GASK1B: variants seen among roughly 807,000 people sequenced by gnomAD.
The protein encoded by GASK1B is golgi associated kinase 1B.
A neutral mutation model predicts 42.8 loss-of-function variants in GASK1B; 34 were observed. The ratio of observed to expected loss-of-function variants is 0.79; its 90% CI spans 0.60 to 1.06. GASK1B has a LOEUF of 1.06. GASK1B is among the 50% of genes least tolerant of loss of function. The pLI is 0.00. For synonymous variants in GASK1B, 262 were observed against 259.1 expected (o/e 1.01, Z -0.11); for missense variants, 686 against 661.0 (o/e 1.04, Z -0.42).
intron 3 of GASK1B, among the ~76,000 whole-genome samples, chr4:158,153,892 C>T (rs560134846): frequency 2.6e-5 from 4 of 152,076 alleles, no homozygotes; most frequent in Non-Finnish European, 4.4e-5. Context: ...GAATCTGAAA[C>T]CATAAAAATT....
At position 158,127,168 on chromosome 4, in the gene GASK1B, T is replaced by C. The variant is rs570766562; in HGVS notation, c.*239A>G. 2.5e-4 allele frequency: 86 copies of C among 343,808 alleles called. No homozygotes were observed. Among genetic ancestry groups the C allele is most frequent in the African/African-American group, 1.6e-3 (76 of 47,038 alleles). 21.3% of individuals were successfully genotyped at this position (343,808 alleles called of 1,614,324 possible). Reference sequence around the variant, plus strand: ...GTTGTCAGATGTTCAGACTGACACATAGCATGATGTTAGAGAAAAATATAA... The same window carrying C: ...GTTGTCAGATGTTCAGACTGACACACAGCATGATGTTAGAGAAAAATATAA... On this transcript the variant is annotated 3_prime_UTR_variant, in exon 5 of 5. Coordinates refer to ENST00000585682, the MANE Select transcript of GASK1B (RefSeq NM_001128424.2).
intron 3 of GASK1B, among the ~76,000 whole-genome samples, chr4:158,146,151 T>G (rs1731322918): frequency 6.6e-6 from 1 of 152,102 alleles, no homozygotes; most frequent in African/African-American, 2.4e-5. Flanking sequence ...AGTTGTTTTT[T>G]TTTTTCAATA....
intron 3 of GASK1B, among the ~76,000 whole-genome samples, chr4:158,134,189 T>A (rs933891089): frequency 6.6e-6 from 1 of 152,242 alleles, no homozygotes; most frequent in African/African-American, 2.4e-5. Context: ...TTAAATTCAG[T>A]GCCATTTTGT....
chr4:158,146,674 T>G (rs1056737309), intron 3 of GASK1B, among the ~76,000 whole-genome samples: 1 of 152,110 alleles, frequency 6.6e-6, no homozygotes, highest in African/African-American at 2.4e-5. Context: ...GACTGCAGAG[T>G]CCCAGTTCCT....
chr4:158,127,589 A>C lies in GASK1B; in HGVS notation c.1378T>G (p.Leu460Val). Residue 460 changes from leucine (L) to valine (V), a missense_variant, in exon 5 of 5, where the codon TTG becomes GTG. Leu to Val is a conservative substitution (Grantham distance 32). Coordinates refer to ENST00000585682, the MANE Select transcript of GASK1B (RefSeq NM_001128424.2). ...KEFPASAVSVLKSQHLRQKLL... is the reference protein window; with the variant it reads ...KEFPASAVSVVKSQHLRQKLL... The stretch of plus-strand genomic sequence containing the variant: ...TTCTGCCGTAAGTGCTGGCTCTTCA[A>C]AACAGAAACTGCAGAAGCTGGAAAC... 1 of 1,613,146 alleles carries C rather than the reference A, an allele frequency of 6.2e-7. No homozygotes were observed. Among genetic ancestry groups the C allele is most frequent in the Non-Finnish European group, 8.5e-7 (1 of 1,179,642 alleles).
chr4:158,127,391 C>T lies in GASK1B; in HGVS notation c.*16G>A, dbSNP rs780739145. The T allele has an allele frequency of 6.2e-7, 1 of 1,606,358 alleles. No homozygotes were observed. Among genetic ancestry groups the T allele is most frequent in the Non-Finnish European group, 8.5e-7 (1 of 1,174,838 alleles). ...TGCATAAATATATCTAACACCCTAG[C>T]CAGAAGATTCTTTTGTCATTCATTC... On this transcript the variant is annotated 3_prime_UTR_variant, in exon 5 of 5. Transcript: ENST00000585682.
chr4:158,171,617 C>T lies in GASK1B; in HGVS notation c.-224-18G>A. 2.5e-6 allele frequency: 1 copy of T among 406,866 alleles called. No individual in the cohort carries two copies. Among genetic ancestry groups the T allele is most frequent in the Admixed American group, 4.0e-5 (1 of 25,264 alleles). 25.2% of individuals were successfully genotyped at this position (406,866 alleles called of 1,614,324 possible). A position where few individuals can be genotyped will look rare whatever the true frequency, so the allele number is the denominator to read the frequency against. The stretch of plus-strand genomic sequence containing the variant: ...GCTTGTTTCTGGGAATGAATGGATA[C>T]AGAGTTAACTGAGTCACAATTTCAA... On this transcript the variant is annotated intron_variant, in intron 1 of 4. Transcript: ENST00000585682.
rs1315111611 is a variant in GASK1B, at chr4:158,125,536, T to A, written c.*1871A>T. 6.6e-6 allele frequency: 1 copy of A among 152,152 alleles called. No homozygotes were observed. Among genetic ancestry groups the A allele is most frequent in the African/African-American group, 2.4e-5 (1 of 41,448 alleles). 9.4% of individuals were successfully genotyped at this position (152,152 alleles called of 1,614,324 possible). On this transcript the variant is annotated 3_prime_UTR_variant, in exon 5 of 5. Transcript: ENST00000585682. ...CAAAGTAGGATTCCAGTCTCCAAAC[T>A]TTTGTTAGGCTAATTTTCATTAAGA...
intron 2 of GASK1B, among the ~76,000 whole-genome samples, chr4:158,162,529 T>G (rs1403100046): frequency 6.6e-6 from 1 of 152,184 alleles, no homozygotes; most frequent in Non-Finnish European, 1.5e-5. Context: ...GTAATTTCAC[T>G]GTCTTCACTC....
rs1578999862 is a variant in GASK1B at position 158,125,560 on chromosome 4, G to A, written c.*1847C>T. On this transcript the variant is annotated 3_prime_UTR_variant, in exon 5 of 5. Coordinates refer to ENST00000585682, the MANE Select transcript of GASK1B (RefSeq NM_001128424.2). Reference sequence around the variant, plus strand: ...CTTTTGTTAGGCTAATTTTCATTAAGAGGATGATTTATAAGAGAAGAAAAG... The same window carrying A: ...CTTTTGTTAGGCTAATTTTCATTAAAAGGATGATTTATAAGAGAAGAAAAG... 6.6e-6 allele frequency: 1 copy of A among 152,132 alleles called. No individual in the cohort carries two copies. Among genetic ancestry groups the A allele is most frequent in the Non-Finnish European group, 1.5e-5 (1 of 68,016 alleles). The allele number at this position is 152,132 out of a possible 1,614,324, so 9.4% of individuals were successfully genotyped here. A position where few individuals can be genotyped will look rare whatever the true frequency, so the allele number is the denominator to read the frequency against.
chr4:158,132,281 C>A (rs1560775909), intron 3 of GASK1B, among the ~76,000 whole-genome samples: 1 of 152,298 alleles, frequency 6.6e-6, no homozygotes, highest in African/African-American at 2.4e-5. Flanking sequence ...AAATTCCCAT[C>A]TTTTTCTCAT....
intron 3 of GASK1B, among the ~76,000 whole-genome samples, chr4:158,137,683 T>C (rs907426656): frequency 1.3e-5 from 2 of 152,146 alleles, no homozygotes; most frequent in Admixed American, 6.5e-5. Flanking sequence ...AGCCTCTTGC[T>C]TGGGGAGCTA....
Position 158,125,207 on chromosome 4 carries a change from A to C in GASK1B, c.*2200T>G, listed in dbSNP as rs1730404360. On this transcript the variant is annotated 3_prime_UTR_variant, in exon 5 of 5. Transcript: ENST00000585682. ...ACAAAACAAAATTGTTAAAAAGCAAAGGTGACTAAAATAAACATGTTCCTG... is the reference window on the plus strand; with the variant it reads ...ACAAAACAAAATTGTTAAAAAGCAACGGTGACTAAAATAAACATGTTCCTG... 6.6e-6 allele frequency: 1 copy of C among 152,216 alleles called. No homozygotes were observed. The highest frequency in any genetic ancestry group is 1.5e-5 in the Non-Finnish European group (1 of 68,036). 9.4% of individuals were successfully genotyped at this position (152,216 alleles called of 1,614,324 possible).
rs752710130 is a variant in GASK1B, at chr4:158,170,934, G to T, written c.442C>A (p.Pro148Thr). The change falls in exon 2 of 5, where the codon CCA becomes ACA. Residue 148 changes from proline (P) to threonine (T), a missense_variant. Transcript: ENST00000585682. The part of the protein sequence containing the change: ...AAPGQEALVG[P>T]SLQPQEAARE... ...GCCGCTTCCTGCGGCTGAAGGGATG[G>T]TCCGACCAAAGCCTCCTGCCCTGGG... The T allele has an allele frequency of 2.8e-5, 45 of 1,614,110 alleles. No individual in the cohort carries two copies. The highest frequency in any genetic ancestry group is 4.0e-5 in the African/African-American group (3 of 74,954).
rs1470689831 is a variant in GASK1B, at chr4:158,127,601, C to T, written c.1366G>A (p.Ala456Thr). The T allele has an allele frequency of 6.2e-7, 1 of 1,612,534 alleles. No individual in the cohort carries two copies. The highest frequency in any genetic ancestry group is 8.5e-7 in the Non-Finnish European group (1 of 1,179,490). ...LEGIKEFPAS[A>T]VSVLKSQHLR... The stretch of plus-strand genomic sequence containing the variant: ...TGCTGGCTCTTCAAAACAGAAACTG[C>T]AGAAGCTGGAAACCTGAAAAGATAA... The change falls in exon 5 of 5, where the codon GCA becomes ACA. Residue 456 changes from alanine to threonine, a missense_variant. Coordinates refer to ENST00000585682, the MANE Select transcript of GASK1B (RefSeq NM_001128424.2).
chr4:158,169,975 G>C (rs935432667), intron 2 of GASK1B: 1 of 463,992 alleles, frequency 2.2e-6, no homozygotes, highest in South Asian at 3.9e-5. Context: ...AAAAAGGGGG[G>C]GTTAAACCTA....
intron 3 of GASK1B, among the ~76,000 whole-genome samples, chr4:158,137,849 C>G (rs1730963059): frequency 6.6e-6 from 1 of 152,162 alleles, no homozygotes; most frequent in Admixed American, 6.5e-5. Flanking sequence ...GCATATTTGA[C>G]TTGAAGAGCA....
chr4:158,171,517 G>A lies in GASK1B; in HGVS notation c.-142C>T, dbSNP rs1269237927. On this transcript the variant is annotated 5_prime_UTR_variant, in exon 2 of 5. Transcript: ENST00000585682. ...CCAGTGGGCAGAGGTGGAAGGAAAG[G>A]GTTGGTGATGAAGCTGGGAATGTTT... 3 of 805,380 alleles carry A rather than the reference G, an allele frequency of 3.7e-6. No individual in the cohort carries two copies. The highest frequency in any genetic ancestry group is 6.5e-5 in the Admixed American group (2 of 30,544). The allele number at this position is 805,380 out of a possible 1,614,324, so 49.9% of individuals were successfully genotyped here. A position where few individuals can be genotyped will look rare whatever the true frequency, so the allele number is the denominator to read the frequency against.
chr4:158,128,604 A>C (rs75036535), intron 4 of GASK1B, among the ~76,000 whole-genome samples: 6,712 of 152,300 alleles, frequency 0.044, 223 homozygotes, highest in South Asian at 0.063. Context: ...ATACTTGCTT[A>C]AAGAGTACAC....
Sources: gnomAD v4.1 joint callset for allele counts (sites outside exome capture counted in the v4.1 genomes callset) on GRCh38, gnomAD v4.1.1 for gene constraint, MANE v1.5 for transcripts, NCBI Gene and HGNC (gene_info 2026-07-23, HGNC 2026-07-21) for gene names.